Variants in CHD9 observed in about 807,000 individuals in gnomAD.
CHD9 encodes ATP-dependent chromatin remodeler CHD9.
A neutral mutation model predicts 316.1 loss-of-function variants in CHD9; 77 were observed. The observed-to-expected ratio is 0.24, with a 90% confidence interval of 0.20 to 0.29. The LOEUF is 0.29. Ranked by LOEUF, CHD9 falls within the 10% of genes least tolerant of loss-of-function variation. The pLI is 1.00. For synonymous variants in CHD9, 1,129 were observed against 1,158.3 expected, an observed-to-expected ratio of 0.97 and a Z score of 0.51; for missense variants, 2,763 against 3,438.1, an observed-to-expected ratio of 0.80 and a Z score of 4.91.
intron 1 of CHD9, among the ~76,000 whole-genome samples, chr16:53,152,443 GC>G (rs2152738563): frequency 6.6e-6 from 1 of 152,282 alleles, no homozygotes; most frequent in African/African-American, 2.4e-5. Flanking sequence ...CTCATGCTTG[GC>G]TTTTTAGTGA....
intron 2 of CHD9, among the ~76,000 whole-genome samples, chr16:53,199,503 A>G (rs968291778): frequency 1.3e-5 from 2 of 152,170 alleles, no homozygotes; most frequent in Admixed American, 1.3e-4. Flanking sequence ...ATTTAGATAC[A>G]TAGATATTTG....
intron 3 of CHD9, among the ~76,000 whole-genome samples, chr16:53,213,486 G>A (rs75903478): frequency 6.6e-6 from 1 of 152,276 alleles, no homozygotes; most frequent in East Asian, 1.9e-4. Context: ...TGGAAAGAAG[G>A]TTAAATATTA....
intron 34 of CHD9, among the ~76,000 whole-genome samples, chr16:53,309,623 T>C (rs2056292385): frequency 6.6e-6 from 1 of 152,300 alleles, no homozygotes; most frequent in Non-Finnish European, 1.5e-5. Context: ...ACATTGGTTT[T>C]AGTTTTTGTT....
At chr16:53,189,694 T>C (rs1046935363) in intron 2 of CHD9, among the ~76,000 whole-genome samples, 5 of 152,102 alleles carry the variant, frequency 3.3e-5, no homozygotes, top group African/African-American at 1.2e-4. Flanking sequence ...CTTTAATGGG[T>C]CATCCTGGAT....
At chr16:53,311,771 A>G (rs2056497644) in intron 34 of CHD9, 1 of 152,184 alleles carries the variant, frequency 6.6e-6, no homozygotes, top group South Asian at 2.1e-4. Flanking sequence ...TAATTCTGTC[A>G]TTTACTGGCT....
At chr16:53,119,077 C>A (rs2038543516) in intron 1 of CHD9, among the ~76,000 whole-genome samples, 1 of 152,038 alleles carries the variant, frequency 6.6e-6, no homozygotes, top group Admixed American at 6.6e-5. Flanking sequence ...CAGACATGAG[C>A]CACCATGCCT....
chr16:53,208,132 G>C (rs2046030199), intron 2 of CHD9: 1 of 1,066,696 alleles, frequency 9.4e-7, no homozygotes, highest in East Asian at 9.2e-5. Context: ...AGGATGAACA[G>C]TAGATATAAA....
At chr16:53,207,043 C>T (rs1450691673) in intron 2 of CHD9, among the ~76,000 whole-genome samples, 2 of 152,068 alleles carry the variant, frequency 1.3e-5, no homozygotes, top group Non-Finnish European at 2.9e-5. Context: ...TTCTAGAGCC[C>T]TGTTTAGATA....
chr16:53,186,457 A>G (rs1359975899), intron 2 of CHD9, among the ~76,000 whole-genome samples: 1 of 152,188 alleles, frequency 6.6e-6, no homozygotes. Context: ...TTACAGGCTC[A>G]TAGGTGGAAG....
intron 2 of CHD9, among the ~76,000 whole-genome samples, chr16:53,195,763 C>CTT (rs553431442): frequency 0.019 from 2,340 of 125,672 alleles, 91 homozygotes; most frequent in African/African-American, 0.065. Flanking sequence ...TCAATGTATG[C>CTT]TTTTTTTTTT....
intron 1 of CHD9, among the ~76,000 whole-genome samples, chr16:53,080,515 G>A (rs1418192580): frequency 6.6e-6 from 1 of 152,296 alleles, no homozygotes; most frequent in South Asian, 2.1e-4. Flanking sequence ...TGCTGCCCAA[G>A]TAAGCTGGGC....
intron 11 of CHD9, 32 bp downstream of exon 11, chr16:53,235,338 T>G (rs2048530729): frequency 4.8e-6 from 7 of 1,451,682 alleles, no homozygotes; most frequent in African/African-American, 1.4e-5. Flanking sequence ...AAAAAATTTA[T>G]TTTTTTAATG....
intron 1 of CHD9, among the ~76,000 whole-genome samples, chr16:53,063,203 T>G (rs2152500309): frequency 6.6e-6 from 1 of 151,310 alleles, no homozygotes; most frequent in South Asian, 2.1e-4. Context: ...AGGGACTCTT[T>G]GCCCCATGTT....
At chr16:53,148,136 G>T (rs150625910) in intron 1 of CHD9, among the ~76,000 whole-genome samples, 49 of 152,292 alleles carry the variant, frequency 3.2e-4, no homozygotes, top group African/African-American at 1.2e-3. Context: ...GAATCCAGGA[G>T]GCAGAGGTTG....
intron 2 of CHD9, among the ~76,000 whole-genome samples, chr16:53,192,197 T>G (rs1034376453): frequency 6.6e-6 from 1 of 152,144 alleles, no homozygotes; most frequent in Admixed American, 6.5e-5. Flanking sequence ...AAGTAGGAGT[T>G]TGAAGATCCA....
chr16:53,185,064 A>C (rs1311012266), intron 2 of CHD9, among the ~76,000 whole-genome samples: 1 of 152,218 alleles, frequency 6.6e-6, no homozygotes, highest in African/African-American at 2.4e-5. Flanking sequence ...TGTGAGAACA[A>C]ACTAATACAG....
chr16:53,215,660 G>A (rs1206456881), intron 3 of CHD9, among the ~76,000 whole-genome samples: 1 of 151,976 alleles, frequency 6.6e-6, no homozygotes, highest in Non-Finnish European at 1.5e-5. Context: ...TGATGAATTG[G>A]ATGTATTAAT....
intron 2 of CHD9, among the ~76,000 whole-genome samples, chr16:53,159,790 A>G (rs371791727): frequency 1.3e-5 from 2 of 152,056 alleles, no homozygotes; most frequent in African/African-American, 2.4e-5. Flanking sequence ...TTGTATTTTC[A>G]GTAGAGACGG....
At chr16:53,267,568 T>C (rs2051818673) in intron 21 of CHD9, 78 bp downstream of exon 21, 3 of 1,039,360 alleles carry the variant, frequency 2.9e-6, no homozygotes, top group Non-Finnish European at 4.1e-6. Context: ...GTTTTGAGTA[T>C]ATTTTTTATC....
Sources: allele counts gnomAD v4.1 joint callset (sites outside exome capture counted in the v4.1 genomes callset), GRCh38; gene constraint gnomAD v4.1.1; transcripts MANE v1.5; gene names NCBI Gene and HGNC (gene_info 2026-07-23, HGNC 2026-07-21).